The following ELAVL1 variants were observed in gnomAD, a reference collection of about 807,000 sequenced individuals.
ELAVL1 encodes ELAV like RNA binding protein 1.
Under a neutral mutation model 28.4 loss-of-function variants are expected in ELAVL1, and 1 was observed. The observed-to-expected ratio is 0.04, with a 90% CI of 0.01 to 0.17. The LOEUF (loss-of-function observed/expected upper bound fraction) is 0.17, where lower values mean the gene tolerates loss of function less well. ELAVL1 is among the 10% of genes least tolerant of loss of function. The probability of loss-of-function intolerance (pLI) is 1.00; values close to 1 mark genes in which losing one functional copy is unlikely to be tolerated. For synonymous variants in ELAVL1, 174 were observed against 183.5 expected, an observed-to-expected ratio of 0.95 and a Z score of 0.42; for missense variants, 157 against 447.2, an observed-to-expected ratio of 0.35 and a Z score of 5.85.
intron 2 of ELAVL1, among the ~76,000 whole-genome samples, chr19:7,984,644 C>A (rs570123586): frequency 1.2e-3 from 185 of 152,266 alleles, no homozygotes; most frequent in African/African-American, 4.3e-3. Context: ...CCCTGATCTC[C>A]CTACAGGCTG....
chr19:7,977,845 T>C (rs1183454330), intron 3 of ELAVL1, among the ~76,000 whole-genome samples: 1 of 152,238 alleles, frequency 6.6e-6, no homozygotes, highest in African/African-American at 2.4e-5. Flanking sequence ...GGGCAGAGGC[T>C]TGGGGCCAGC....
Position 7,973,821 on chromosome 19 carries a change from C to T in ELAVL1, c.334G>A (p.Gly112Arg). ...VIKDANLYIS[G>R]LPRTMTQKDV... ...TTCTGGGTCATGGTCCGCGGGAGCC[C>T]GCTGATGTACAAGTTGGCGTCTTTG... The change falls in exon 4 of 6, where the codon GGG becomes AGG. Residue 112 changes from glycine (G) to arginine (R), a missense_variant. Gly to Arg is a moderately radical substitution (Grantham distance 125, BLOSUM62 -2). Around this residue, in one of 4 missense-constraint regions of ELAVL1, gnomAD observed 107 missense variants for 310.4 expected, o/e 0.34. Transcript: ENST00000407627. 6.2e-7 allele frequency: 1 copy of T among 1,614,090 alleles called. No individual in the cohort carries two copies. Among genetic ancestry groups the T allele is most frequent in the Non-Finnish European group, 8.5e-7 (1 of 1,180,008 alleles).
At chr19:7,980,058 C>G (rs1985411958) in intron 3 of ELAVL1, among the ~76,000 whole-genome samples, 1 of 152,220 alleles carries the variant, frequency 6.6e-6, no homozygotes, top group Non-Finnish European at 1.5e-5. Flanking sequence ...CCTGATGTGA[C>G]TCAGGGAGCA....
intron 3 of ELAVL1, among the ~76,000 whole-genome samples, chr19:7,974,337 G>T (rs1985217794): frequency 6.6e-6 from 1 of 152,260 alleles, no homozygotes; most frequent in Admixed American, 6.5e-5. Flanking sequence ...CAGGGGCTGT[G>T]AGTTCTGGGA....
At chr19:7,976,942 C>A (rs1985314696) in intron 3 of ELAVL1, among the ~76,000 whole-genome samples, 1 of 151,852 alleles carries the variant, frequency 6.6e-6, no homozygotes, top group South Asian at 2.1e-4. Flanking sequence ...CCTGCCCCAG[C>A]CTCCCAAATG....
chr19:8,003,382 A>G (rs2081075474), intron 1 of ELAVL1, among the ~76,000 whole-genome samples: 2 of 79,562 alleles, frequency 2.5e-5, no homozygotes, highest in Non-Finnish European at 6.5e-5. Flanking sequence ...AAAGAAAAAG[A>G]AAAAAAAAAA....
chr19:7,987,086 G>A (rs1056078146), intron 2 of ELAVL1, among the ~76,000 whole-genome samples: 8 of 129,936 alleles, frequency 6.2e-5, no homozygotes, highest in Admixed American at 6.1e-4. Context: ...AATCACAAGC[G>A]CCCAAGAGTA....
chr19:7,977,924 C>A (rs1985347996), intron 3 of ELAVL1, among the ~76,000 whole-genome samples: 1 of 152,252 alleles, frequency 6.6e-6, no homozygotes, highest in Non-Finnish European at 1.5e-5. Context: ...TGTGCCCCTG[C>A]AGGTCCTGCT....
intron 1 of ELAVL1, among the ~76,000 whole-genome samples, chr19:7,999,099 G>A (rs113974878): frequency 4.6e-4 from 70 of 152,356 alleles, no homozygotes; most frequent in African/African-American, 1.4e-3. Context: ...CTGGCCTGGC[G>A]TGGTGGCTTA....
intron 3 of ELAVL1, among the ~76,000 whole-genome samples, chr19:7,977,041 A>T (rs1449580005): frequency 6.6e-6 from 1 of 152,096 alleles, no homozygotes; most frequent in Non-Finnish European, 1.5e-5. Flanking sequence ...TGAGGGCCAG[A>T]CTTGTGTGTC....
chr19:7,963,229 T>C lies in ELAVL1; in HGVS notation c.*254A>G, dbSNP rs779861874. On this transcript the variant is annotated 3_prime_UTR_variant, in exon 6 of 6. Coordinates refer to ENST00000407627, the MANE Select transcript of ELAVL1 (RefSeq NM_001419.3). The surrounding 1 kb of genome is among the most constrained non-coding windows in gnomAD (Gnocchi z 4.5). ...AGAGGGACTGGTTAGTCAATGCAGTTCTACTTAGATTTCTGTTTAATATAT... is the reference window on the plus strand; with the variant it reads ...AGAGGGACTGGTTAGTCAATGCAGTCCTACTTAGATTTCTGTTTAATATAT... The C allele has an allele frequency of 2.1e-6, 1 of 477,352 alleles. No homozygotes were observed. The highest frequency in any genetic ancestry group is 3.7e-6 in the Non-Finnish European group (1 of 268,832). The allele number at this position is 477,352 out of a possible 1,614,324, so 29.6% of individuals were successfully genotyped here.
Position 7,973,898 on chromosome 19 carries a change from T to C in ELAVL1, c.277-20A>G. ...CGACACCTTGGGAACACAACCACTT[T>C]CCGAGATTAGTACAGGCACGTGGCC... On this transcript the variant is annotated intron_variant, in intron 3 of 5. Coordinates refer to ENST00000407627, the MANE Select transcript of ELAVL1 (RefSeq NM_001419.3). The C allele has an allele frequency of 1.2e-6, 2 of 1,613,280 alleles. No individual in the cohort carries two copies. Among genetic ancestry groups the C allele is most frequent in the Non-Finnish European group, 1.7e-6 (2 of 1,179,346 alleles).
At chr19:7,987,176 C>T (rs1599675288) in intron 2 of ELAVL1, among the ~76,000 whole-genome samples, 1 of 151,540 alleles carries the variant, frequency 6.6e-6, no homozygotes. Flanking sequence ...GGTGTCCCTA[C>T]CCTCTTGGGA....
At chr19:7,969,660 A>C (rs1985051488) in intron 4 of ELAVL1, among the ~76,000 whole-genome samples, 1 of 152,182 alleles carries the variant, frequency 6.6e-6, no homozygotes, top group African/African-American at 2.4e-5. Flanking sequence ...AACTTTAGGC[A>C]AATACGACTG....
chr19:7,978,898 T>C (rs1003994723), intron 3 of ELAVL1, among the ~76,000 whole-genome samples: 7 of 152,088 alleles, frequency 4.6e-5, no homozygotes, highest in African/African-American at 1.7e-4. Flanking sequence ...TGCAATAAAA[T>C]CCAGGATCAG....
rs1040530749 is a variant in ELAVL1 at position 7,959,927 on chromosome 19, C to T, written c.*3556G>A. The T allele has an allele frequency of 6.6e-6, 1 of 152,196 alleles. No individual in the cohort carries two copies. Among genetic ancestry groups the T allele is most frequent in the Non-Finnish European group, 1.5e-5 (1 of 68,034 alleles). The allele number at this position is 152,196 out of a possible 1,614,324, so 9.4% of individuals were successfully genotyped here. ...GGTGGAGGGACAGGATAGAGGCCTC[C>T]TGTCAGCTGAATTCTTATTCTCTTT... On this transcript the variant is annotated 3_prime_UTR_variant, in exon 6 of 6. Transcript: ENST00000407627.
intron 3 of ELAVL1, among the ~76,000 whole-genome samples, chr19:7,976,867 T>C (rs1424398544): frequency 6.6e-6 from 1 of 151,918 alleles, no homozygotes; most frequent in Non-Finnish European, 1.5e-5. Context: ...TTAGTTTTTT[T>C]TGTAGAGACA....
At chr19:7,965,802 G>C (rs913469990) in intron 5 of ELAVL1, among the ~76,000 whole-genome samples, 1 of 152,078 alleles carries the variant, frequency 6.6e-6, no homozygotes, top group South Asian at 2.1e-4. Flanking sequence ...CGCCCATATA[G>C]CCCGCCCCAT....
rs577024547 is a variant in ELAVL1 at position 7,995,916 on chromosome 19, CT to C, written c.-16-4086del. Among the ~76,000 whole-genome samples the C allele has an allele frequency of 2.4e-3, 346 of 145,936 alleles. 1 individual carries two copies. The highest frequency in any genetic ancestry group is 2.9e-3 in the African/African-American group (116 of 39,902). ...GCAAAAGGGACTTGTAGTCAGAACA[CT>C]TTTTTTTTTTTTTGAGTCAAAGTCT... is the stretch of plus-strand genomic sequence containing the variant. On this transcript the variant is annotated intron_variant, in intron 1 of 5. Coordinates refer to ENST00000407627, the MANE Select transcript of ELAVL1 (RefSeq NM_001419.3).
Sources: gnomAD v4.1 joint callset for allele counts (sites outside exome capture counted in the v4.1 genomes callset) on GRCh38, gnomAD v4.1.1 for gene constraint, gnomAD v4.1.1 regional missense constraint, Gnocchi (gnomAD v3.1) non-coding constraint, MANE v1.5 for transcripts, NCBI Gene and HGNC (gene_info 2026-07-23, HGNC 2026-07-21) for gene names.